Variants in PPFIA2 observed in about 807,000 individuals in gnomAD.
The protein encoded by PPFIA2 is PPFI scaffold protein A2.
In PPFIA2, 46 loss-of-function variants were observed where a neutral mutation model predicts 175.5. The ratio of observed to expected loss-of-function variants is 0.26; its 90% CI spans 0.21 to 0.34. The LOEUF is 0.34. PPFIA2 is among the 10% of genes least tolerant of loss of function. The pLI, the probability that PPFIA2 is intolerant of heterozygous loss-of-function variation, is 1.00. For missense variants in PPFIA2, 1,179 were observed against 1,506.1 expected (o/e 0.78, Z 3.60); for synonymous variants, 568 against 511.4 (o/e 1.11, Z -1.49).
chr12:81,593,220 G>A (rs2058875569), intron 4 of PPFIA2, among the ~76,000 whole-genome samples: 1 of 151,938 alleles, frequency 6.6e-6, no homozygotes, highest in African/African-American at 2.4e-5. Context: ...TAATAAAAAT[G>A]GTAAAGAGGT....
At chr12:81,653,725 T>C (rs1461940042) in intron 4 of PPFIA2, among the ~76,000 whole-genome samples, 1 of 152,080 alleles carries the variant, frequency 6.6e-6, no homozygotes, top group Non-Finnish European at 1.5e-5. Context: ...GGGGACAATA[T>C]TTAACCCACT....
intron 3 of PPFIA2, among the ~76,000 whole-genome samples, chr12:81,686,655 A>G (rs959493000): frequency 6.6e-6 from 1 of 152,098 alleles, no homozygotes; most frequent in Non-Finnish European, 1.5e-5. Flanking sequence ...AGCCATTGCC[A>G]TGGCCAACCG....
At chr12:81,525,312 T>C (rs1262379848) in intron 4 of PPFIA2, among the ~76,000 whole-genome samples, 2 of 152,122 alleles carry the variant, frequency 1.3e-5, no homozygotes, top group Non-Finnish European at 2.9e-5. Context: ...GTGAAAAGAT[T>C]TTTGCACATG....
chr12:81,403,902 C>T (rs1444839258), intron 8 of PPFIA2, among the ~76,000 whole-genome samples: 2 of 152,144 alleles, frequency 1.3e-5, no homozygotes, highest in African/African-American at 4.8e-5. Flanking sequence ...TCAAATTGCA[C>T]ACTTGAATCT....
At chr12:81,549,888 A>AT (rs943705890) in intron 4 of PPFIA2, among the ~76,000 whole-genome samples, 1 of 151,740 alleles carries the variant, frequency 6.6e-6, no homozygotes, top group South Asian at 2.1e-4. Context: ...ATATGAAGCT[A>AT]TTTTTTTAAT....
At chr12:81,328,215 G>C (rs185092561) in intron 21 of PPFIA2, among the ~76,000 whole-genome samples, 1 of 152,230 alleles carries the variant, frequency 6.6e-6, no homozygotes, top group Admixed American at 6.5e-5. Context: ...TTACTCTATG[G>C]ATGATTATCT....
chr12:81,565,496 CCTAT>C (rs778005967), intron 4 of PPFIA2, among the ~76,000 whole-genome samples: 3 of 152,266 alleles, frequency 2.0e-5, no homozygotes, highest in South Asian at 2.1e-4. Flanking sequence ...TATCTATCTA[CCTAT>C]CTATCTGTCT....
In PPFIA2 at chr12:81,667,954, G is replaced by GA. The variant is rs1004691728; in HGVS notation, c.303+8836dup. 6.6e-5 allele frequency among the ~76,000 whole-genome samples: 10 copies of GA among 151,814 alleles called. No homozygotes were observed. The East Asian group carries it at 1.2e-3, about 18-fold the overall frequency. On this transcript the variant is annotated intron_variant, in intron 4 of 32. Transcript: ENST00000549396. Reference sequence around the variant, plus strand: ...GCAGGGATATGAAAGTGGGTTACAGGAAAAAAAGCAAAGTTTTATAAGACT... The same window carrying GA: ...GCAGGGATATGAAAGTGGGTTACAGGAAAAAAAAGCAAAGTTTTATAAGACT...
intron 6 of PPFIA2, among the ~76,000 whole-genome samples, chr12:81,443,516 G>A (rs75775306): frequency 7.3e-5 from 11 of 149,692 alleles, no homozygotes; most frequent in Non-Finnish European, 1.6e-4. Flanking sequence ...TCTAGATTAC[G>A]TTGTACAACA....
chr12:81,364,503 C>T (rs2032385293), intron 14 of PPFIA2, among the ~76,000 whole-genome samples: 1 of 151,862 alleles, frequency 6.6e-6, no homozygotes, highest in Middle Eastern at 3.2e-3. Flanking sequence ...CTTGCCTCTG[C>T]CTTCCAAGTA....
chr12:81,709,335 T>C (rs1442660744), intron 3 of PPFIA2, among the ~76,000 whole-genome samples: 28 of 152,168 alleles, frequency 1.8e-4, no homozygotes, highest in Admixed American at 1.8e-3. Flanking sequence ...TATTCCTTTC[T>C]TTTTGTCAGA....
intron 3 of PPFIA2, among the ~76,000 whole-genome samples, chr12:81,730,582 A>G (rs1458693810): frequency 6.6e-6 from 1 of 151,576 alleles, no homozygotes. Context: ...CCCACCCTTG[A>G]CATGTGGGGA....
At chr12:81,429,354 C>G (rs2047700641) in intron 7 of PPFIA2, among the ~76,000 whole-genome samples, 1 of 151,922 alleles carries the variant, frequency 6.6e-6, no homozygotes, top group Non-Finnish European at 1.5e-5. Context: ...TTGCAGTGGT[C>G]TCTTTTTCTA....
chr12:81,736,060 C>T (rs554368242), intron 3 of PPFIA2, among the ~76,000 whole-genome samples: 43 of 151,916 alleles, frequency 2.8e-4, no homozygotes, highest in African/African-American at 1.0e-3. Context: ...GGTCCTTTGT[C>T]TTTCTATATA....
At chr12:81,583,072 A>G (rs1250353141) in intron 4 of PPFIA2, among the ~76,000 whole-genome samples, 1 of 151,910 alleles carries the variant, frequency 6.6e-6, no homozygotes, top group African/African-American at 2.4e-5. Flanking sequence ...GCCAATACGT[A>G]TTTCCATTTC....
intron 4 of PPFIA2, among the ~76,000 whole-genome samples, chr12:81,628,658 T>C (rs542623584): frequency 6.6e-6 from 1 of 152,164 alleles, no homozygotes; most frequent in Non-Finnish European, 1.5e-5. Context: ...GGATTACAGG[T>C]GTGAGACACC....
chr12:81,747,045 A>G (rs2083155207), intron 3 of PPFIA2, among the ~76,000 whole-genome samples: 1 of 144,158 alleles, frequency 6.9e-6, no homozygotes, highest in African/African-American at 2.4e-5. Context: ...TAGGAAAACA[A>G]TGATGATAGA....
rs1566524602 is a variant in PPFIA2 at position 81,373,477 on chromosome 12, A to AT, written c.1266+1156dup. ...ATCTTAGAAATCACATATTCCTGAA[A>AT]TTGCCAGAGTGGTTTACTGGCATGG... On this transcript the variant is annotated intron_variant, in intron 11 of 32. Transcript: ENST00000549396. Among the ~76,000 whole-genome samples, 3 of 151,958 alleles carry AT rather than the reference A, an allele frequency of 2.0e-5. No individual in the cohort carries two copies. In the East Asian group the frequency reaches 5.8e-4, roughly 29 times the overall value.
chr12:81,583,744 A>C (rs1185542919), intron 4 of PPFIA2, among the ~76,000 whole-genome samples: 1 of 151,846 alleles, frequency 6.6e-6, no homozygotes, highest in East Asian at 1.9e-4. Flanking sequence ...ATCCCTAAAG[A>C]TCTGGAGGCC....
Sources: allele counts gnomAD v4.1 joint callset (sites outside exome capture counted in the v4.1 genomes callset), GRCh38; gene constraint gnomAD v4.1.1; transcripts MANE v1.5; gene names NCBI Gene and HGNC (gene_info 2026-07-23, HGNC 2026-07-21).